Variants in DDX10 observed in about 807,000 individuals in gnomAD.
DDX10 encodes probable ATP-dependent RNA helicase DDX10.
DDX10 carries 74 observed loss-of-function variants against 104.3 expected under a neutral mutation model. The ratio of observed to expected loss-of-function variants is 0.71; its 90% CI spans 0.59 to 0.86. The LOEUF is 0.86. Ranked by LOEUF, DDX10 falls within the 40% of genes least tolerant of loss-of-function variation. The pLI, the probability that DDX10 is intolerant of heterozygous loss-of-function variation, is 0.00. For synonymous variants in DDX10, 351 were observed against 353.4 expected (o/e 0.99, Z 0.08); for missense variants, 952 against 1,040.0 (o/e 0.92, Z 1.16).
intron 16 of DDX10, among the ~76,000 whole-genome samples, chr11:108,880,743 C>A (rs748488886): frequency 6.6e-6 from 1 of 152,058 alleles, no homozygotes; most frequent in African/African-American, 2.4e-5. Context: ...TAACATAATC[C>A]GGGTCATTTG....
intron 6 of DDX10, among the ~76,000 whole-genome samples, chr11:108,681,192 T>G (rs1251106760): frequency 2.0e-5 from 3 of 152,218 alleles, no homozygotes; most frequent in Admixed American, 1.3e-4. Flanking sequence ...GTACGTATTA[T>G]TTCCTATCCC....
intron 13 of DDX10, among the ~76,000 whole-genome samples, chr11:108,735,366 A>G (rs2094317100): frequency 6.6e-6 from 1 of 152,134 alleles, no homozygotes; most frequent in Admixed American, 6.6e-5. Flanking sequence ...CTGTGCATTA[A>G]TGGGTGGGAT....
rs1217833316 is a variant in DDX10, at chr11:108,673,516, A to G, written c.236A>G (p.Lys79Arg). The change falls in exon 2 of 18, where the codon AAA (lysine) becomes AGA (arginine). Residue 79 changes from lysine (K) to arginine (R), a missense_variant. Around this residue, in one of 3 missense-constraint regions of DDX10, gnomAD observed 412 missense variants for 479.2 expected, o/e 0.86. Transcript: ENST00000322536. ...TTTTCAGATTTTCCCTTGTCCAAAA[A>G]AACATTGAAAGGTAAGTATATGGTG... ...TRFSDFPLSK[K>R]TLKGLQEAQY... The G allele has an allele frequency of 3.8e-6, 6 of 1,595,430 alleles. No individual in the cohort carries two copies. In the South Asian group the frequency reaches 6.6e-5, roughly 18 times the overall value.
At chr11:108,909,163 G>C (rs188866242) in intron 16 of DDX10, among the ~76,000 whole-genome samples, 3 of 152,320 alleles carry the variant, frequency 2.0e-5, no homozygotes, top group Admixed American at 6.5e-5. Context: ...TTGATTAGAG[G>C]GTGGAGCTTT....
rs139601710 is a variant in DDX10 at position 108,836,784 on chromosome 11, C to T, written c.1966-1662C>T. 7.4e-3 allele frequency among the ~76,000 whole-genome samples: 1,126 copies of T among 152,260 alleles called. 5 individuals are homozygous for T. The highest frequency in any genetic ancestry group is 0.012 in the Non-Finnish European group (799 of 68,018). The stretch of plus-strand genomic sequence containing the variant: ...GATTATAGGTGTGATTCACCACACC[C>T]GGCCTTGGTGGTTTATTTTTAAGCA... On this transcript the variant is annotated intron_variant, in intron 13 of 17. Transcript: ENST00000322536.
chr11:108,843,923 T>C (rs758322981), intron 15 of DDX10, among the ~76,000 whole-genome samples: 44 of 152,250 alleles, frequency 2.9e-4, no homozygotes, highest in Non-Finnish European at 5.6e-4. Flanking sequence ...TCTTTTCTTA[T>C]ATGAAAGGTG....
chr11:108,741,428 A>G (rs142788787), intron 13 of DDX10, among the ~76,000 whole-genome samples: 1,536 of 152,174 alleles, frequency 0.01, 20 homozygotes, highest in African/African-American at 0.035. Flanking sequence ...GATTGTTCCT[A>G]TCTGTGGGGA....
intron 17 of DDX10, among the ~76,000 whole-genome samples, chr11:108,924,483 A>G (rs1029504411): frequency 2.6e-5 from 4 of 152,094 alleles, no homozygotes; most frequent in East Asian, 1.9e-4. Context: ...CTTTTAACCT[A>G]TTTTTACACA....
chr11:108,913,355 C>T (rs545751303), intron 16 of DDX10, among the ~76,000 whole-genome samples: 1 of 152,160 alleles, frequency 6.6e-6, no homozygotes, highest in Admixed American at 6.5e-5. Context: ...TCTGATTAGC[C>T]TCTTACTAAA....
intron 16 of DDX10, among the ~76,000 whole-genome samples, chr11:108,881,465 A>T (rs1331921276): frequency 6.6e-6 from 1 of 152,150 alleles, no homozygotes; most frequent in Non-Finnish European, 1.5e-5. Flanking sequence ...AATCCTTTCA[A>T]TTCAGTAATA....
intron 13 of DDX10, among the ~76,000 whole-genome samples, chr11:108,836,856 C>T (rs540512370): frequency 8.5e-5 from 13 of 152,106 alleles, no homozygotes; most frequent in Non-Finnish European, 1.8e-4. Flanking sequence ...ATGATTTGCT[C>T]TTTTTTGTGT....
At chr11:108,736,569 T>TG (rs770738998) in intron 13 of DDX10, among the ~76,000 whole-genome samples, 2 of 152,154 alleles carry the variant, frequency 1.3e-5, no homozygotes, top group Non-Finnish European at 2.9e-5. Flanking sequence ...ATTAAGAGGT[T>TG]GGGGCCTTAA....
chr11:108,934,430 G>C, intron 17 of DDX10, among the ~76,000 whole-genome samples: 1 of 152,140 alleles, frequency 6.6e-6, no homozygotes, highest in Non-Finnish European at 1.5e-5. Flanking sequence ...AAAACCCTAG[G>C]CTAAAATGCA....
At chr11:108,875,309 C>T (rs1421303413) in intron 16 of DDX10, among the ~76,000 whole-genome samples, 1 of 152,124 alleles carries the variant, frequency 6.6e-6, no homozygotes, top group Non-Finnish European at 1.5e-5. Flanking sequence ...CTCTTTATCT[C>T]TATTGAGAAC....
intron 12 of DDX10, among the ~76,000 whole-genome samples, chr11:108,722,050 G>C (rs985951320): frequency 2.0e-5 from 3 of 152,190 alleles, no homozygotes; most frequent in African/African-American, 7.2e-5. Flanking sequence ...ACCCTGTGAG[G>C]TAGGTACTCT....
At chr11:108,699,024 C>T (rs961040958) in intron 9 of DDX10, among the ~76,000 whole-genome samples, 1 of 152,124 alleles carries the variant, frequency 6.6e-6, no homozygotes, top group Non-Finnish European at 1.5e-5. Context: ...CTCCAAAGTC[C>T]TTTATCACCT....
At chr11:108,776,173 C>T (rs574460122) in intron 13 of DDX10, among the ~76,000 whole-genome samples, 1 of 152,302 alleles carries the variant, frequency 6.6e-6, no homozygotes, top group East Asian at 1.9e-4. Context: ...CATCAAAGCT[C>T]TTCTAATTTG....
chr11:108,701,675 C>CTTTTTTTTTTTTTTTTTTTT (rs55916940), intron 9 of DDX10, among the ~76,000 whole-genome samples: 13 of 77,422 alleles, frequency 1.7e-4, no homozygotes, highest in Admixed American at 4.3e-4. Flanking sequence ...TTCTTCTTCT[C>CTTTTTTTTTTTTTTTTTTTT]TTTTTTTTTT....
chr11:108,913,860 G>T (rs994730064), intron 16 of DDX10, among the ~76,000 whole-genome samples: 1 of 152,128 alleles, frequency 6.6e-6, no homozygotes, highest in African/African-American at 2.4e-5. Context: ...GACTTGTGTT[G>T]TAAATGATAG....
Sources: gnomAD v4.1 joint callset for allele counts (sites outside exome capture counted in the v4.1 genomes callset) on GRCh38, gnomAD v4.1.1 for gene constraint, gnomAD v4.1.1 regional missense constraint, MANE v1.5 for transcripts, NCBI Gene and HGNC (gene_info 2026-07-23, HGNC 2026-07-21) for gene names.